The following CDKAL1 variants were observed in gnomAD, a reference collection of about 807,000 sequenced individuals.
The protein encoded by CDKAL1 is threonylcarbamoyladenosine tRNA methylthiotransferase.
In CDKAL1, 32 loss-of-function variants were observed where a neutral mutation model predicts 68.2. The observed-to-expected ratio is 0.47, with a 90% confidence interval of 0.35 to 0.63. The LOEUF (loss-of-function observed/expected upper bound fraction) is 0.63, where lower values mean the gene tolerates loss of function less well. CDKAL1 is among the 30% of genes least tolerant of loss of function. The pLI, the probability that CDKAL1 is intolerant of heterozygous loss-of-function variation, is 0.00. For missense variants in CDKAL1, 606 were observed against 696.7 expected (o/e 0.87, Z 1.47); for synonymous variants, 234 against 244.3 (o/e 0.96, Z 0.39).
chr6:20,762,283 A>G (rs889979373), intron 7 of CDKAL1, among the ~76,000 whole-genome samples: 1 of 152,124 alleles, frequency 6.6e-6, no homozygotes, highest in African/African-American at 2.4e-5. Context: ...TTGGCTATGA[A>G]AGTGAGTCGA....
chr6:20,552,374 C>A (rs961973331), intron 4 of CDKAL1, among the ~76,000 whole-genome samples: 1 of 150,698 alleles, frequency 6.6e-6, no homozygotes, highest in African/African-American at 2.4e-5. Context: ...GAGATAATTT[C>A]CTAAAACATA....
chr6:20,556,123 G>T (rs1764034064), intron 4 of CDKAL1, among the ~76,000 whole-genome samples: 1 of 152,012 alleles, frequency 6.6e-6, no homozygotes, highest in African/African-American at 2.4e-5. Context: ...CCTGCACTTT[G>T]GGCGGCCTAG....
At chr6:21,022,037 G>A (rs1768696394) in intron 11 of CDKAL1, among the ~76,000 whole-genome samples, 1 of 152,180 alleles carries the variant, frequency 6.6e-6, no homozygotes, top group African/African-American at 2.4e-5. Context: ...GAACTCTGAA[G>A]GGCCAATGTT....
intron 4 of CDKAL1, among the ~76,000 whole-genome samples, chr6:20,587,698 ACTC>A (rs1332825722): frequency 1.3e-5 from 2 of 152,038 alleles, no homozygotes; most frequent in African/African-American, 4.8e-5. Flanking sequence ...ATGCCACTGT[ACTC>A]CAGCCTGGGC....
At chr6:20,998,000 A>T (rs1344438910) in intron 10 of CDKAL1, among the ~76,000 whole-genome samples, 1 of 152,190 alleles carries the variant, frequency 6.6e-6, no homozygotes, top group East Asian at 1.9e-4. Context: ...TGAGGTGAAT[A>T]TTATCCTTCT....
chr6:20,596,788 G>A (rs1463240270), intron 4 of CDKAL1, among the ~76,000 whole-genome samples: 1 of 152,230 alleles, frequency 6.6e-6, no homozygotes, highest in Non-Finnish European at 1.5e-5. Flanking sequence ...CCCTGGTGGT[G>A]TAGGCACCCG....
chr6:20,689,534 A>G (rs1770778092), intron 5 of CDKAL1, among the ~76,000 whole-genome samples: 1 of 152,200 alleles, frequency 6.6e-6, no homozygotes, highest in Admixed American at 6.5e-5. Context: ...ACTTGTTGGT[A>G]GGATGGAATA....
At chr6:20,738,367 A>G (rs1581479684) in intron 5 of CDKAL1, among the ~76,000 whole-genome samples, 1 of 152,214 alleles carries the variant, frequency 6.6e-6, no homozygotes. Context: ...TGCTATATAT[A>G]TGCATACCCG....
chr6:20,815,454 C>T (rs1278320964), intron 8 of CDKAL1, among the ~76,000 whole-genome samples: 1 of 151,958 alleles, frequency 6.6e-6, no homozygotes, highest in African/African-American at 2.4e-5. Flanking sequence ...TCCAGTTTAA[C>T]TGGGTTTTCA....
chr6:20,707,422 C>T (rs1309173071), intron 5 of CDKAL1, among the ~76,000 whole-genome samples: 1 of 152,314 alleles, frequency 6.6e-6, no homozygotes, highest in East Asian at 1.9e-4. Context: ...GTTGATATAA[C>T]ATCTGAGTCT....
chr6:20,729,217 C>T (rs1581460732), intron 5 of CDKAL1, among the ~76,000 whole-genome samples: 2 of 152,156 alleles, frequency 1.3e-5, no homozygotes, highest in Non-Finnish European at 2.9e-5. Context: ...GGGAGGTACT[C>T]TTTATGACAT....
chr6:20,802,516 T>A (rs191960714), intron 8 of CDKAL1, among the ~76,000 whole-genome samples: 282 of 152,120 alleles, frequency 1.9e-3, no homozygotes, highest in Middle Eastern at 3.4e-3. Context: ...ATATATATAT[T>A]TTGGAGATAT....
At chr6:20,933,523 G>A (rs1763563990) in intron 9 of CDKAL1, among the ~76,000 whole-genome samples, 1 of 152,222 alleles carries the variant, frequency 6.6e-6, no homozygotes, top group South Asian at 2.1e-4. Context: ...GTAAAGTCTA[G>A]AAACCTTATA....
intron 9 of CDKAL1, among the ~76,000 whole-genome samples, chr6:20,953,142 C>T (rs1355886211): frequency 3.9e-5 from 6 of 152,126 alleles, no homozygotes; most frequent in Non-Finnish European, 8.8e-5. Context: ...ACATCAAGAC[C>T]ATTGTTCCTA....
In CDKAL1 at chr6:20,539,598, A is replaced by G. The variant is rs1392707014; in HGVS notation, c.-6+4204A>G. Among the ~76,000 whole-genome samples the G allele has an allele frequency of 6.6e-6, 1 of 152,176 alleles. No homozygotes were observed. The highest frequency in any genetic ancestry group is 2.4e-5 in the African/African-American group (1 of 41,440). ...CAGGTGTCTTAAGTAAGAGCATTCC[A>G]GGCAAGAATAAGACTGTGAAATGAA... is the stretch of plus-strand genomic sequence containing the variant. On this transcript the variant is annotated intron_variant, in intron 2 of 15. Transcript: ENST00000274695. This position sits in a 1 kb window ranked among gnomAD's most constrained non-coding sequence, Gnocchi z 4.3.
intron 8 of CDKAL1, among the ~76,000 whole-genome samples, chr6:20,801,914 A>G (rs868771218): frequency 1.8e-4 from 28 of 152,314 alleles, no homozygotes; most frequent in Middle Eastern, 3.4e-3. Context: ...TAAGAATTTT[A>G]AGTGTGCTAT....
intron 4 of CDKAL1, among the ~76,000 whole-genome samples, chr6:20,568,928 TTATG>T (rs981819056): frequency 3.3e-5 from 5 of 152,116 alleles, no homozygotes; most frequent in African/African-American, 1.2e-4. Context: ...TTGCAATTAT[TTATG>T]TATTTGTCTC....
At chr6:21,218,693 T>C (rs1779426900) in intron 15 of CDKAL1, among the ~76,000 whole-genome samples, 1 of 152,204 alleles carries the variant, frequency 6.6e-6, no homozygotes, top group African/African-American at 2.4e-5. Flanking sequence ...GCTCACAGCA[T>C]GGCAGCTGGC....
At chr6:21,104,872 A>G (rs961005612) in intron 12 of CDKAL1, among the ~76,000 whole-genome samples, 1 of 152,230 alleles carries the variant, frequency 6.6e-6, no homozygotes, top group Non-Finnish European at 1.5e-5. Context: ...CAAAACCTAC[A>G]TTAAGTCACA....
Sources: allele counts gnomAD v4.1 joint callset (sites outside exome capture counted in the v4.1 genomes callset), GRCh38; gene constraint gnomAD v4.1.1; non-coding constraint Gnocchi (gnomAD v3.1); transcripts MANE v1.5; gene names NCBI Gene and HGNC (gene_info 2026-07-23, HGNC 2026-07-21).